Variants in PKHD1L1 observed in about 807,000 individuals in gnomAD.
PKHD1L1 encodes fibrocystin-L.
PKHD1L1 carries 434 observed loss-of-function variants against 462.9 expected under a neutral mutation model. The ratio of observed to expected loss-of-function variants is 0.94; its 90% confidence interval spans 0.87 to 1.02. The LOEUF is 1.02. PKHD1L1 is among the 50% of genes least tolerant of loss of function. PKHD1L1 has a pLI of 0.00. For synonymous variants in PKHD1L1, 1,781 were observed against 1,750.0 expected, an observed-to-expected ratio of 1.02 and a Z score of -0.44; for missense variants, 5,202 against 5,096.1, an observed-to-expected ratio of 1.02 and a Z score of -0.63.
At chr8:109,452,425 T>G (rs1206662238) in intron 42 of PKHD1L1, 145 bp downstream of exon 42, 2 of 808,512 alleles carry the variant, frequency 2.5e-6, no homozygotes, top group African/African-American at 3.6e-5. Context: ...TAGCTTACAT[T>G]TTTTGTTGCT....
chr8:109,502,457 G>A (rs1288141222), intron 67 of PKHD1L1, among the ~76,000 whole-genome samples: 1 of 152,182 alleles, frequency 6.6e-6, no homozygotes, highest in Non-Finnish European at 1.5e-5. Flanking sequence ...AGAGCATTCA[G>A]CACATTCTGA....
At position 109,535,898 on chromosome 8, in the gene PKHD1L1, C is replaced by T. The variant is rs1382010602; in HGVS notation, c.*5808C>T. Reference sequence around the variant, plus strand: ...ATATCCCATGAGTAGTACATAAAAGCCTGGAGAGAGAGGGGAAGGATTGTA... The same window carrying T: ...ATATCCCATGAGTAGTACATAAAAGTCTGGAGAGAGAGGGGAAGGATTGTA... On this transcript the variant is annotated 3_prime_UTR_variant, in exon 78 of 78. Transcript: ENST00000378402. Among the ~76,000 whole-genome samples the T allele has an allele frequency of 2.0e-5, 3 of 151,980 alleles. No individual in the cohort carries two copies. Among genetic ancestry groups the T allele is most frequent in the African/African-American group, 7.3e-5 (3 of 41,376 alleles).
Position 109,475,280 on chromosome 8 carries a change from T to G in PKHD1L1, c.8757+11T>G, listed in dbSNP as rs763010635. 6.3e-7 allele frequency: 1 copy of G among 1,580,270 alleles called. No homozygotes were observed. Among genetic ancestry groups the G allele is most frequent in the Non-Finnish European group, 8.6e-7 (1 of 1,156,812 alleles). On this transcript the variant is annotated intron_variant, in intron 51 of 77. Transcript: ENST00000378402. ...TTCTATGGATTCAAGGTAAAAATAT[T>G]TATCTTCTAATGATTATAATTGTGT...
At chr8:109,374,387 T>C (rs1040130835) in intron 2 of PKHD1L1, among the ~76,000 whole-genome samples, 1 of 152,214 alleles carries the variant, frequency 6.6e-6, no homozygotes, top group African/African-American at 2.4e-5. Flanking sequence ...TTTGAGCCTA[T>C]GTGTGTCTCT....
At chr8:109,464,185 A>G in intron 48 of PKHD1L1, 31 bp from the exon 49 acceptor site, 1 of 1,477,806 alleles carries the variant, frequency 6.8e-7, no homozygotes, top group Admixed American at 2.2e-5. Context: ...CTGAGCTATT[A>G]CTAAATAACT....
At chr8:109,446,395 C>A (rs771025880) in intron 38 of PKHD1L1, among the ~76,000 whole-genome samples, 2 of 152,076 alleles carry the variant, frequency 1.3e-5, no homozygotes, top group Non-Finnish European at 2.9e-5. Context: ...TTTAAAACAT[C>A]AATTTCCTTA....
intron 23 of PKHD1L1, among the ~76,000 whole-genome samples, chr8:109,422,515 G>A (rs534426910): frequency 1.3e-5 from 2 of 152,174 alleles, no homozygotes; most frequent in East Asian, 3.9e-4. Context: ...TTTTAACTCA[G>A]CATAATTCCC....
chr8:109,431,591 AT>A (rs1815106040), intron 27 of PKHD1L1, among the ~76,000 whole-genome samples: 1 of 152,196 alleles, frequency 6.6e-6, no homozygotes, highest in Admixed American at 6.5e-5. Context: ...AAATATTACA[AT>A]GTAAATGTTA....
Position 109,510,844 on chromosome 8 carries a change from T to A in PKHD1L1, c.11463T>A (p.Ile3821=). The A allele has an allele frequency of 6.2e-7, 1 of 1,613,366 alleles. No individual in the cohort carries two copies. The highest frequency in any genetic ancestry group is 8.5e-7 in the Non-Finnish European group (1 of 1,179,510). The change falls in exon 71 of 78, where the codon ATT becomes ATA. Residue 3821 remains isoleucine, a synonymous_variant. Coordinates refer to ENST00000378402, the MANE Select transcript of PKHD1L1 (RefSeq NM_177531.6). ...CQRRLSLFHS[I]VALNKSYEVY... ...GAAGGCTGTCCCTGTTTCACAGCAT[T>A]GTGGCTCTGAACAAATCTTATGAAG...
intron 77 of PKHD1L1, 35 bp from the exon 78 acceptor site, chr8:109,530,045 C>T: frequency 1.6e-6 from 2 of 1,268,416 alleles, no homozygotes; most frequent in Non-Finnish European, 2.1e-6. Context: ...GCTATTTCTA[C>T]TTAAAAATTG....
At position 109,536,204 on chromosome 8, in the gene PKHD1L1, C is replaced by T. The variant is rs939635455; in HGVS notation, c.*6114C>T. On this transcript the variant is annotated 3_prime_UTR_variant, in exon 78 of 78. Transcript: ENST00000378402. ...AATCTGCCTGCTTCAAAGGTTTCAC[C>T]GATTTTATTGCTGTGTTTCCAACAC... Among the ~76,000 whole-genome samples, 5 of 152,130 alleles carry T rather than the reference C, an allele frequency of 3.3e-5. No individual in the cohort carries two copies. The highest frequency in any genetic ancestry group is 6.5e-5 in the Admixed American group (1 of 15,272).
At chr8:109,407,350 C>G (rs1158079478) in intron 17 of PKHD1L1, among the ~76,000 whole-genome samples, 1 of 151,964 alleles carries the variant, frequency 6.6e-6, no homozygotes, top group Non-Finnish European at 1.5e-5. Flanking sequence ...ATATGGATAT[C>G]CTTTTTGATG....
rs1458735664 is a variant in PKHD1L1 at position 109,400,176 on chromosome 8, C to G, written c.1113C>G (p.Ala371=). 6.2e-7 allele frequency: 1 copy of G among 1,613,532 alleles called. No individual in the cohort carries two copies. Among genetic ancestry groups the G allele is most frequent in the Non-Finnish European group, 8.5e-7 (1 of 1,179,696 alleles). The stretch of plus-strand genomic sequence containing the variant: ...AAAAAACGCCTGGGTACATGGGTGC[C>G]AGTTGGGTAGATTCAGCTTCCTATA... ...YNEKTPGYMG[A]SWVDSASYIW... The change falls in exon 13 of 78, where the codon GCC becomes GCG. Residue 371 remains alanine, a synonymous_variant. Transcript: ENST00000378402.
intron 30 of PKHD1L1, among the ~76,000 whole-genome samples, chr8:109,437,483 T>TCCCTCCC (rs1413328405): frequency 7.6e-6 from 1 of 131,108 alleles, no homozygotes; most frequent in African/African-American, 2.9e-5. Context: ...CCTAATGCTA[T>TCCCTCCC]CCCTCCCCCC....
chr8:109,426,075 T>G (rs1055946307), intron 24 of PKHD1L1, among the ~76,000 whole-genome samples: 2 of 152,168 alleles, frequency 1.3e-5, no homozygotes, highest in Admixed American at 1.3e-4. Context: ...ATTGAGAGTA[T>G]GTCAGTAATA....
rs771463229 is a variant in PKHD1L1, at chr8:109,466,623, C to A, written c.8459C>A (p.Pro2820His). Residue 2820 changes from proline (P) to histidine (H), a missense_variant, in exon 50 of 78, where the codon CCT becomes CAT. By Grantham distance (77) the Pro-to-His change is moderately conservative. Around this residue, in one of 3 missense-constraint regions of PKHD1L1, gnomAD observed 4,497 missense variants for 4,336.8 expected, o/e 1.04. Transcript: ENST00000378402. ...TVIPHSSLLD[P>H]SHCTQEAEWS... ...ATTCCACACAGCTCATTGCTAGACC[C>A]TTCTCATTGTACTCAGGAAGCTGAG... The A allele has an allele frequency of 6.2e-7, 1 of 1,610,258 alleles. No individual in the cohort carries two copies. The highest frequency in any genetic ancestry group is 1.7e-5 in the Admixed American group (1 of 59,548).
chr8:109,427,108 G>T lies in PKHD1L1; in HGVS notation c.2952G>T (p.Ala984=). ...VTREGTCAGY[A]WNIKWRSTCG... ...GAGAGGGAACCTGTGCTGGCTACGCGTGGAACATCAAATGGAGAAGCACCT... is the reference window on the plus strand; with the variant it reads ...GAGAGGGAACCTGTGCTGGCTACGCTTGGAACATCAAATGGAGAAGCACCT... Residue 984 remains alanine, a synonymous_variant, in exon 25 of 78, where the codon GCG becomes GCT. Coordinates refer to ENST00000378402, the MANE Select transcript of PKHD1L1 (RefSeq NM_177531.6). The T allele has an allele frequency of 1.9e-6, 3 of 1,613,922 alleles. No individual in the cohort carries two copies. Among genetic ancestry groups the T allele is most frequent in the Non-Finnish European group, 1.7e-6 (2 of 1,179,836 alleles).
In PKHD1L1 at chr8:109,526,764, A is replaced by G; in HGVS notation, c.12485-20A>G. The G allele has an allele frequency of 1.3e-6, 2 of 1,532,514 alleles. No homozygotes were observed. The highest frequency in any genetic ancestry group is 1.8e-6 in the Non-Finnish European group (2 of 1,131,776). The allele number at this position is 1,532,514 out of a possible 1,614,324, so 94.9% of individuals were successfully genotyped here. A position where few individuals can be genotyped will look rare whatever the true frequency, so the allele number is the denominator to read the frequency against. On this transcript the variant is annotated intron_variant, in intron 76 of 77. Coordinates refer to ENST00000378402, the MANE Select transcript of PKHD1L1 (RefSeq NM_177531.6). ...TAAAACATAAAGGAAATCAAACACTATGATGCTTTTTTTTTCCAGGAAAAA... is the reference window on the plus strand; with the variant it reads ...TAAAACATAAAGGAAATCAAACACTGTGATGCTTTTTTTTTCCAGGAAAAA...
chr8:109,501,334 G>A (rs1021534400), intron 67 of PKHD1L1, among the ~76,000 whole-genome samples: 7 of 152,036 alleles, frequency 4.6e-5, no homozygotes, highest in African/African-American at 7.2e-5. Context: ...TTTGTCGAAC[G>A]TGAGTTCTTT....
Sources: allele counts gnomAD v4.1 joint callset (sites outside exome capture counted in the v4.1 genomes callset), GRCh38; gene constraint gnomAD v4.1.1; regional missense constraint gnomAD v4.1.1; transcripts MANE v1.5; gene names NCBI Gene and HGNC (gene_info 2026-07-23, HGNC 2026-07-21).